Variants in AGAP1 observed in about 807,000 individuals in gnomAD.
AGAP1 encodes the protein arf-GAP with GTPase, ANK repeat and PH domain-containing protein 1.
Under a neutral mutation model 105.3 loss-of-function variants are expected in AGAP1, and 29 were observed. That is an observed-to-expected ratio of 0.28 (90% confidence interval 0.21 to 0.38). The LOEUF is 0.38. Ranked by LOEUF, AGAP1 falls within the 10% of genes least tolerant of loss-of-function variation. The pLI is 1.00. For missense variants in AGAP1, 998 were observed against 1,165.1 expected, an observed-to-expected ratio of 0.86 and a Z score of 2.09; for synonymous variants, 509 against 485.9, an observed-to-expected ratio of 1.05 and a Z score of -0.63.
At chr2:235,727,073 A>G (rs1388833172) in intron 3 of AGAP1, among the ~76,000 whole-genome samples, 1 of 152,210 alleles carries the variant, frequency 6.6e-6, no homozygotes, top group Admixed American at 6.5e-5. Flanking sequence ...AGCTACAGCA[A>G]AAGACTCTAA....
chr2:235,587,129 A>G (rs184720291), intron 1 of AGAP1, among the ~76,000 whole-genome samples: 117 of 152,362 alleles, frequency 7.7e-4, no homozygotes, highest in African/African-American at 2.8e-3. Flanking sequence ...TTACCCAAAC[A>G]GAAACATGGT....
rs1344605917 is a variant in AGAP1, at chr2:236,051,058, T to G, written c.2114+1777T>G. Reference sequence around the variant, plus strand: ...GAGACTTGCTTACTCCCAAGTGCAGTGGTTGCAGTTAAGTCCCATCTTTTC... The same window carrying G: ...GAGACTTGCTTACTCCCAAGTGCAGGGGTTGCAGTTAAGTCCCATCTTTTC... On this transcript the variant is annotated intron_variant, in intron 16 of 17. Transcript: ENST00000304032. This position sits in a 1 kb window ranked among gnomAD's most constrained non-coding sequence, Gnocchi z 5.9. Among the ~76,000 whole-genome samples the G allele has an allele frequency of 6.6e-6, 1 of 152,182 alleles. No homozygotes were observed. The highest frequency in any genetic ancestry group is 1.5e-5 in the Non-Finnish European group (1 of 68,028).
rs1164584185 is a variant in AGAP1 at position 235,752,296 on chromosome 2, G to A, written c.673+1808G>A. The stretch of plus-strand genomic sequence containing the variant: ...AGGTTCAGGCAAATCTTGTGCCTCA[G>A]CCTCCCCAGTAGCTGGAATTACAGG... On this transcript the variant is annotated intron_variant, in intron 6 of 17. Coordinates refer to ENST00000304032, the MANE Select transcript of AGAP1 (RefSeq NM_001037131.3). This position sits in a 1 kb window ranked among gnomAD's most constrained non-coding sequence, Gnocchi z 4.3. Among the ~76,000 whole-genome samples the A allele has an allele frequency of 6.6e-6, 1 of 152,158 alleles. No homozygotes were observed. Among genetic ancestry groups the A allele is most frequent in the Non-Finnish European group, 1.5e-5 (1 of 68,038 alleles).
Position 236,014,347 on chromosome 2 carries a change from A to G in AGAP1, c.1646-22214A>G, listed in dbSNP as rs2056619706. Among the ~76,000 whole-genome samples, 1 of 152,112 alleles carries G rather than the reference A, an allele frequency of 6.6e-6. No individual in the cohort carries two copies. The highest frequency in any genetic ancestry group is 2.1e-4 in the South Asian group (1 of 4,824). On this transcript the variant is annotated intron_variant, in intron 13 of 17. Coordinates refer to ENST00000304032, the MANE Select transcript of AGAP1 (RefSeq NM_001037131.3). The surrounding 1 kb of genome is among the most constrained non-coding windows in gnomAD (Gnocchi z 6.3). ...TTGGTTTTAAAACCTACCTTCTCCAACACATAGGCATGAACTGCTCATAAC... is the reference window on the plus strand; with the variant it reads ...TTGGTTTTAAAACCTACCTTCTCCAGCACATAGGCATGAACTGCTCATAAC...
intron 9 of AGAP1, among the ~76,000 whole-genome samples, chr2:235,834,730 G>T (rs1959916204): frequency 6.6e-6 from 1 of 152,178 alleles, no homozygotes; most frequent in Admixed American, 6.5e-5. Flanking sequence ...TAAAAGGTCA[G>T]CAAGAGCGAG....
chr2:235,809,509 G>A (rs1958018505), intron 9 of AGAP1, among the ~76,000 whole-genome samples: 1 of 152,146 alleles, frequency 6.6e-6, no homozygotes, highest in African/African-American at 2.4e-5. Context: ...TGCCTCGTCT[G>A]TAAAATGGGG....
At chr2:235,869,609 AAAAT>A (rs2049344200) in intron 9 of AGAP1, among the ~76,000 whole-genome samples, 1 of 152,102 alleles carries the variant, frequency 6.6e-6, no homozygotes, top group Non-Finnish European at 1.5e-5. Flanking sequence ...TCAAAAATAA[AAAAT>A]AAAAGTGCCA....
Position 235,683,808 on chromosome 2 carries a change from C to A in AGAP1, c.164-25371C>A, listed in dbSNP as rs891567617. Among the ~76,000 whole-genome samples the A allele has an allele frequency of 2.0e-5, 3 of 152,016 alleles. No homozygotes were observed. The East Asian group carries it at 5.8e-4, about 29-fold the overall frequency. ...TGGCTTGCTGCACCCATCAACTCGT[C>A]ATTTACATTAGGTAATTCTCCTAAT... On this transcript the variant is annotated intron_variant, in intron 1 of 17. Coordinates refer to ENST00000304032, the MANE Select transcript of AGAP1 (RefSeq NM_001037131.3).
rs1206495374 is a variant in AGAP1 at position 235,769,677 on chromosome 2, G to T, written c.673+19189G>T. On this transcript the variant is annotated intron_variant, in intron 6 of 17. Transcript: ENST00000304032. The surrounding 1 kb of genome is among the most constrained non-coding windows in gnomAD (Gnocchi z 4.4). ...ACAATTAATTGCTGTAAAATATCGT[G>T]GTCAAAATCTCGGGGAGGCAGTGAA... 6.6e-6 allele frequency among the ~76,000 whole-genome samples: 1 copy of T among 151,992 alleles called. No individual in the cohort carries two copies. Among genetic ancestry groups the T allele is most frequent in the Non-Finnish European group, 1.5e-5 (1 of 67,998 alleles).
At chr2:235,722,340 A>G (rs1171067255) in intron 3 of AGAP1, among the ~76,000 whole-genome samples, 6 of 152,228 alleles carry the variant, frequency 3.9e-5, no homozygotes, top group Non-Finnish European at 8.8e-5. Flanking sequence ...ATGTCTGTGC[A>G]CAGTTGTTCT....
Position 235,739,266 on chromosome 2 carries a change from A to T in AGAP1, c.311-1697A>T, listed in dbSNP as rs1247592695. ...GGGGGCGACCGTCTGCAGCACCGTC[A>T]CATACGTGGGGACGTCCACCTGTGT... is the stretch of plus-strand genomic sequence containing the variant. On this transcript the variant is annotated intron_variant, in intron 3 of 17. Transcript: ENST00000304032. This position sits in a 1 kb window ranked among gnomAD's most constrained non-coding sequence, Gnocchi z 5.3. Among the ~76,000 whole-genome samples, 1 of 152,376 alleles carries T rather than the reference A, an allele frequency of 6.6e-6. No homozygotes were observed. Among genetic ancestry groups the T allele is most frequent in the East Asian group, 1.9e-4 (1 of 5,186 alleles).
intron 13 of AGAP1, among the ~76,000 whole-genome samples, chr2:236,016,151 G>C (rs1313106613): frequency 6.6e-6 from 1 of 151,900 alleles, no homozygotes; most frequent in Non-Finnish European, 1.5e-5. Context: ...ATTGTTGTCT[G>C]TTAAGATACC....
At chr2:236,034,496 G>A (rs1015564711) in intron 13 of AGAP1, among the ~76,000 whole-genome samples, 1 of 152,068 alleles carries the variant, frequency 6.6e-6, no homozygotes, top group African/African-American at 2.4e-5. Context: ...CAAGAGCCCA[G>A]TAGATTGGGA....
rs1946147255 is a variant in AGAP1 at position 235,612,122 on chromosome 2, G to A, written c.164-97057G>A. 6.6e-6 allele frequency among the ~76,000 whole-genome samples: 1 copy of A among 152,170 alleles called. No homozygotes were observed. The highest frequency in any genetic ancestry group is 1.5e-5 in the Non-Finnish European group (1 of 68,036). On this transcript the variant is annotated intron_variant, in intron 1 of 17. Transcript: ENST00000304032. The surrounding 1 kb of genome is among the most constrained non-coding windows in gnomAD (Gnocchi z 4.3). ...TAATCGTAATCTGAGTGCAATTTCA[G>A]GACTTTGTTTTCCAGATGGCTTATT...
chr2:235,703,820 C>T (rs1264258871), intron 1 of AGAP1, among the ~76,000 whole-genome samples: 3 of 152,132 alleles, frequency 2.0e-5, no homozygotes, highest in Admixed American at 1.3e-4. Flanking sequence ...TAGTCTGGAA[C>T]TCCTGACCTC....
chr2:235,942,664 C>G (rs1447870282), intron 12 of AGAP1, among the ~76,000 whole-genome samples: 1 of 134,024 alleles, frequency 7.5e-6, no homozygotes, highest in Non-Finnish European at 1.6e-5. Flanking sequence ...AAGAGCGAAA[C>G]TCTGTCTAAA....
At chr2:236,094,912 C>A (rs1203476183) in intron 16 of AGAP1, among the ~76,000 whole-genome samples, 4 of 137,302 alleles carry the variant, frequency 2.9e-5, no homozygotes, top group Non-Finnish European at 4.6e-5. Flanking sequence ...CAGCAAGAGA[C>A]CCCATCTCTA....
intron 15 of AGAP1, among the ~76,000 whole-genome samples, chr2:236,048,392 C>A (rs116711307): frequency 0.018 from 2,703 of 152,332 alleles, 72 homozygotes; most frequent in African/African-American, 0.061. Flanking sequence ...TGTCACCATT[C>A]ATTCTGCAAG....
intron 1 of AGAP1, among the ~76,000 whole-genome samples, chr2:235,668,909 C>T (rs191137609): frequency 3.9e-5 from 6 of 152,220 alleles, no homozygotes; most frequent in East Asian, 3.9e-4. Context: ...GCCTGGCTTG[C>T]GGGCAGGCAC....
Sources: allele counts gnomAD v4.1 joint callset (sites outside exome capture counted in the v4.1 genomes callset), GRCh38; gene constraint gnomAD v4.1.1; non-coding constraint Gnocchi (gnomAD v3.1); transcripts MANE v1.5; gene names NCBI Gene and HGNC (gene_info 2026-07-23, HGNC 2026-07-21).